CORO2B: variants seen among roughly 807,000 people sequenced by gnomAD.
The protein encoded by CORO2B is coronin 2B, also known as coronin-2B.
CORO2B carries 26 observed loss-of-function variants against 58.8 expected under a neutral mutation model. The ratio of observed to expected loss-of-function variants is 0.44; its 90% CI spans 0.32 to 0.61. The LOEUF is 0.61. Among genes scored for constraint, CORO2B ranks in the 20% least tolerant of loss-of-function variants. CORO2B has a pLI of 0.04. For missense variants in CORO2B, 460 were observed against 645.1 expected (o/e 0.71, Z 3.11); for synonymous variants, 242 against 253.8 (o/e 0.95, Z 0.44).
intron 2 of CORO2B, among the ~76,000 whole-genome samples, chr15:68,673,229 T>A (rs1384936782): frequency 2.6e-5 from 4 of 152,082 alleles, no homozygotes; most frequent in Admixed American, 2.6e-4. Context: ...TCCATCAATC[T>A]CTTAAAGATG....
At position 68,710,906 on chromosome 15, in the gene CORO2B, T is replaced by A. The variant is rs1418054881; in HGVS notation, c.483+25T>A. On this transcript the variant is annotated intron_variant, in intron 4 of 11. Transcript: ENST00000261861. The surrounding 1 kb of genome is among the most constrained non-coding windows in gnomAD (Gnocchi z 4.1). ...GGTATGCAGTGGGCAGGCAGCTGGG[T>A]GGAGAGGGATTGGGGAAGAGAAAGG... The A allele has an allele frequency of 6.4e-7, 1 of 1,573,742 alleles. No homozygotes were observed. The highest frequency in any genetic ancestry group is 1.2e-5 in the South Asian group (1 of 84,660).
Position 68,710,713 on chromosome 15 carries a change from C to T in CORO2B, c.334-19C>T. 1 of 1,577,424 alleles carries T rather than the reference C, an allele frequency of 6.3e-7. No homozygotes were observed. ...CTTGGCCGTGTCCACCCAGCCTGGA[C>T]CCTCATCTCCCTCTGCAGGTGCGGA... On this transcript the variant is annotated intron_variant, in intron 3 of 11. Coordinates refer to ENST00000261861, the MANE Select transcript of CORO2B (RefSeq NM_006091.5). The surrounding 1 kb of genome is among the most constrained non-coding windows in gnomAD (Gnocchi z 4.1).
chr15:68,657,953 G>A (rs571287128), intron 2 of CORO2B, among the ~76,000 whole-genome samples: 3 of 152,332 alleles, frequency 2.0e-5, no homozygotes, highest in South Asian at 2.1e-4. Context: ...GAACTGCTGT[G>A]GCTGAAAGTT....
At position 68,660,913 on chromosome 15, in the gene CORO2B, A is replaced by T. The variant is rs115460685; in HGVS notation, c.216+15553A>T. Among the ~76,000 whole-genome samples, 634 of 151,146 alleles carry T rather than the reference A, an allele frequency of 4.2e-3. 2 individuals carry two copies. Among genetic ancestry groups the T allele is most frequent in the African/African-American group, 0.014 (596 of 41,216 alleles). ...GATTTTCATGTTGTTCTCTCTATAG[A>T]GGTTCTCTTTCTTAGTGTTGACAAT... On this transcript the variant is annotated intron_variant, in intron 2 of 11. Transcript: ENST00000261861.
the CORO2B span, among the ~76,000 whole-genome samples, chr15:68,536,859 C>T: frequency 3.0e-3 from 451 of 152,320 alleles, 1 homozygote; most frequent in African/African-American, 0.01. Context: ...TGCCCTTCAT[C>T]AGCCCTTCCT....
In CORO2B at chr15:68,710,811, G is replaced by A. The variant is rs1274829318; in HGVS notation, c.413G>A (p.Arg138Gln). ...CTCCTGGAGCTGCACGGGCACAGCC[G>A]GCGTGTGGGGCTGGTCGAGTGGCAC... ...EALLELHGHS[R>Q]RVGLVEWHPT... Residue 138 changes from arginine (R) to glutamine (Q), a missense_variant, in exon 4 of 12, where the codon CGG (arginine) becomes CAG (glutamine). Physicochemically the swap from Arg to Gln is conservative, Grantham distance 43. Coordinates refer to ENST00000261861, the MANE Select transcript of CORO2B (RefSeq NM_006091.5). This position sits in a 1 kb window ranked among gnomAD's most constrained non-coding sequence, Gnocchi z 4.1. 2.5e-6 allele frequency: 4 copies of A among 1,612,062 alleles called. No homozygotes were observed. Among genetic ancestry groups the A allele is most frequent in the South Asian group, 2.2e-5 (2 of 90,418 alleles).
intron 1 of CORO2B, among the ~76,000 whole-genome samples, chr15:68,603,553 C>A (rs573388242): frequency 2.0e-4 from 30 of 152,140 alleles, no homozygotes; most frequent in East Asian, 9.7e-4. Context: ...GAAGCCCTAA[C>A]CCCCAGTGTG....
chr15:68,577,780 C>T (rs1472397964), upstream of CORO2B, among the ~76,000 whole-genome samples: 4 of 151,324 alleles, frequency 2.6e-5, no homozygotes, highest in East Asian at 7.7e-4. Context: ...TTCCTGGAGG[C>T]TGGTTACTCT....
intron 1 of CORO2B, among the ~76,000 whole-genome samples, chr15:68,639,877 C>T (rs1901152598): frequency 6.6e-6 from 1 of 152,200 alleles, no homozygotes; most frequent in Non-Finnish European, 1.5e-5. Flanking sequence ...GTGTGTTCTG[C>T]TCTCACTAGA....
At chr15:68,647,372 A>G (rs72748520) in intron 2 of CORO2B, among the ~76,000 whole-genome samples, 2,772 of 152,326 alleles carry the variant, frequency 0.018, 38 homozygotes, top group South Asian at 0.056. Context: ...AAGAATATAT[A>G]AAGAGTTCCA....
At chr15:68,598,112 TAGACTTG>T (rs1430755535) in intron 1 of CORO2B, among the ~76,000 whole-genome samples, 1 of 152,234 alleles carries the variant, frequency 6.6e-6, no homozygotes, top group Non-Finnish European at 1.5e-5. Context: ...CCTTGTTCCA[TAGACTTG>T]GCTCTGAGAG....
intron 8 of CORO2B, among the ~76,000 whole-genome samples, chr15:68,717,701 C>G (rs2140332430): frequency 6.6e-6 from 1 of 150,830 alleles, no homozygotes; most frequent in East Asian, 2.0e-4. Flanking sequence ...AAGAAGAACT[C>G]AGACCGAATC....
At chr15:68,573,525 C>T in the CORO2B span, among the ~76,000 whole-genome samples, 4 of 151,868 alleles carry the variant, frequency 2.6e-5, no homozygotes, top group Admixed American at 6.6e-5. Context: ...GAAGGGGAAA[C>T]GGGCATCCCT....
rs1893316905 is a variant in CORO2B, at chr15:68,726,920, T to C, written c.*946T>C. On this transcript the variant is annotated 3_prime_UTR_variant, in exon 12 of 12. Coordinates refer to ENST00000261861, the MANE Select transcript of CORO2B (RefSeq NM_006091.5). The stretch of plus-strand genomic sequence containing the variant: ...GTCTACCCAGCACCAGTAGTGCCGA[T>C]GTGCCACACTGCCCAGTTGAGGCCC... 6.6e-6 allele frequency: 1 copy of C among 152,374 alleles called. No individual in the cohort carries two copies. Among genetic ancestry groups the C allele is most frequent in the African/African-American group, 2.4e-5 (1 of 41,456 alleles). 9.4% of individuals were successfully genotyped at this position (152,374 alleles called of 1,614,324 possible).
chr15:68,657,008 A>T (rs1271142653), intron 2 of CORO2B, among the ~76,000 whole-genome samples: 1 of 152,102 alleles, frequency 6.6e-6, no homozygotes, highest in African/African-American at 2.4e-5. Flanking sequence ...CATTTATCTC[A>T]TGAGAATTCT....
At chr15:68,622,301 G>A (rs570101418) in intron 1 of CORO2B, among the ~76,000 whole-genome samples, 4 of 152,298 alleles carry the variant, frequency 2.6e-5, no homozygotes, top group African/African-American at 9.6e-5. Flanking sequence ...TGGGTGGACT[G>A]TGTGACTGCA....
chr15:68,705,377 T>G (rs1220691047), intron 3 of CORO2B, among the ~76,000 whole-genome samples: 10 of 145,910 alleles, frequency 6.9e-5, no homozygotes, highest in Non-Finnish European at 1.2e-4. Context: ...GATGGAGGTT[T>G]CAGTAAGCTG....
chr15:68,520,779 C>T, the CORO2B span, among the ~76,000 whole-genome samples: 2 of 152,206 alleles, frequency 1.3e-5, no homozygotes, highest in Admixed American at 6.5e-5. Context: ...GGTGCAGTAG[C>T]TCATGCTTGT....
At chr15:68,641,504 A>AG in intron 1 of CORO2B, 1 of 981,808 alleles carries the variant, frequency 1.0e-6, no homozygotes, top group Non-Finnish European at 1.2e-6. Context: ...GAGAAGGGGG[A>AG]GGGTGGACGA....
Sources: allele counts gnomAD v4.1 joint callset (sites outside exome capture counted in the v4.1 genomes callset), GRCh38; gene constraint gnomAD v4.1.1; non-coding constraint Gnocchi (gnomAD v3.1); transcripts MANE v1.5; gene names NCBI Gene and HGNC (gene_info 2026-07-23, HGNC 2026-07-21).